Variants in DLGAP4 observed in about 807,000 individuals in gnomAD.
DLGAP4 encodes the protein DLG associated protein 4.
DLGAP4 carries 18 observed loss-of-function variants against 86.9 expected under a neutral mutation model. That is an observed-to-expected ratio of 0.21 (90% CI 0.14 to 0.31). The LOEUF (loss-of-function observed/expected upper bound fraction) is 0.31. Among genes scored for constraint, DLGAP4 ranks in the 10% least tolerant of loss-of-function variants. The pLI is 1.00. For synonymous variants in DLGAP4, 548 were observed against 574.3 expected, an observed-to-expected ratio of 0.95 and a Z score of 0.65; for missense variants, 1,085 against 1,362.6, an observed-to-expected ratio of 0.80 and a Z score of 3.21.
intron 12 of DLGAP4, among the ~76,000 whole-genome samples, chr20:36,526,555 G>T (rs2037778489): frequency 6.6e-6 from 1 of 152,048 alleles, no homozygotes; most frequent in Admixed American, 6.5e-5. Context: ...CAACATGAGG[G>T]TGGACAATGG....
intron 1 of DLGAP4, among the ~76,000 whole-genome samples, chr20:36,327,385 T>G (rs1179084873): frequency 6.6e-6 from 1 of 152,132 alleles, no homozygotes; most frequent in Non-Finnish European, 1.5e-5. Context: ...TGTCCTTGGG[T>G]TCATTTAGTT....
chr20:36,443,901 A>C (rs111917865), intron 6 of DLGAP4, among the ~76,000 whole-genome samples: 2 of 152,174 alleles, frequency 1.3e-5, no homozygotes, highest in Non-Finnish European at 2.9e-5. Context: ...CACAACCCTG[A>C]AATGGGGACT....
chr20:36,333,418 G>A (rs1350424467), intron 1 of DLGAP4, among the ~76,000 whole-genome samples: 1 of 152,090 alleles, frequency 6.6e-6, no homozygotes, highest in Non-Finnish European at 1.5e-5. Context: ...TCTGCCTGAT[G>A]CGCCTCTGTG....
chr20:36,440,242 C>T (rs1402915795), intron 5 of DLGAP4, among the ~76,000 whole-genome samples: 1 of 152,162 alleles, frequency 6.6e-6, no homozygotes, highest in African/African-American at 2.4e-5. Context: ...CTCCCTGAAC[C>T]TCGGTTTCCT....
intron 7 of DLGAP4, among the ~76,000 whole-genome samples, chr20:36,475,714 T>A (rs183156439): frequency 1.0e-3 from 157 of 152,336 alleles, no homozygotes; most frequent in Non-Finnish European, 1.9e-3. Context: ...AGAAAATTTT[T>A]AAAAATGCTT....
chr20:36,442,965 T>C (rs1260353546), intron 6 of DLGAP4, among the ~76,000 whole-genome samples, 188 bp downstream of exon 6: 1 of 152,208 alleles, frequency 6.6e-6, no homozygotes, highest in Non-Finnish European at 1.5e-5. Flanking sequence ...CCTACCCTTA[T>C]TGCTTCACCT....
At chr20:36,316,013 G>C (rs1229651477) in intron 1 of DLGAP4, among the ~76,000 whole-genome samples, 3 of 152,200 alleles carry the variant, frequency 2.0e-5, no homozygotes, top group African/African-American at 4.8e-5. Context: ...TAATGACAAG[G>C]CTGGTCCTGG....
Position 36,306,483 on chromosome 20 carries a change from G to A in DLGAP4, c.-333G>A, listed in dbSNP as rs2147323423. 6.6e-6 allele frequency: 1 copy of A among 150,836 alleles called. No homozygotes were observed. Among genetic ancestry groups the A allele is most frequent in the African/African-American group, 2.4e-5 (1 of 41,300 alleles). The allele number at this position is 150,836 out of a possible 1,614,324, so 9.3% of individuals were successfully genotyped here. On this transcript the variant is annotated 5_prime_UTR_variant, in exon 1 of 13. Coordinates refer to ENST00000339266, the MANE Select transcript of DLGAP4 (RefSeq NM_001365621.2). This position sits in a 1 kb window ranked among gnomAD's most constrained non-coding sequence, Gnocchi z 4.9. ...GGCGGCGCAGCGGAACGGCAGAGCG[G>A]GCCGGAGGCGGCCGAGGCGCCCGGC...
chr20:36,461,569 C>T (rs1334298213), intron 7 of DLGAP4: 2 of 964,750 alleles, frequency 2.1e-6, no homozygotes, highest in Non-Finnish European at 2.5e-6. Context: ...GTCCGGTCCA[C>T]GTCGTCGCTG....
chr20:36,516,665 C>G (rs1255776127), intron 10 of DLGAP4, among the ~76,000 whole-genome samples: 1 of 117,504 alleles, frequency 8.5e-6, no homozygotes, highest in East Asian at 2.6e-4. Flanking sequence ...GACTCCGTCT[C>G]AGGAAAAAAA....
At chr20:36,515,254 T>C (rs912824617) in intron 10 of DLGAP4, among the ~76,000 whole-genome samples, 1 of 152,264 alleles carries the variant, frequency 6.6e-6, no homozygotes, top group African/African-American at 2.4e-5. Context: ...AATTGTAATA[T>C]TCCTGGCAGA....
rs190990453 is a variant in DLGAP4 at position 36,383,806 on chromosome 20, T to C, written c.-73+16531T>C. ...CTGGCTAACACGGTGAAACGCCGTC[T>C]CTACTAAAAATACAAAAAATTAGCC... On this transcript the variant is annotated intron_variant, in intron 2 of 12. Transcript: ENST00000339266. Among the ~76,000 whole-genome samples the C allele has an allele frequency of 6.0e-3, 904 of 151,890 alleles. 9 individuals carry two copies. Among genetic ancestry groups the C allele is most frequent in the African/African-American group, 0.021 (856 of 41,426 alleles).
At chr20:36,451,710 C>T (rs2033740438) in intron 7 of DLGAP4, among the ~76,000 whole-genome samples, 1 of 151,668 alleles carries the variant, frequency 6.6e-6, no homozygotes, top group South Asian at 2.1e-4. Flanking sequence ...TGATCCTGTC[C>T]ACATACGGCA....
chr20:36,403,936 G>A (rs932069112), intron 2 of DLGAP4, among the ~76,000 whole-genome samples: 1 of 152,206 alleles, frequency 6.6e-6, no homozygotes, highest in Non-Finnish European at 1.5e-5. Context: ...CACAGTAGAT[G>A]TCTTCCCCCA....
chr20:36,456,135 C>T (rs556267657), intron 7 of DLGAP4, among the ~76,000 whole-genome samples: 1 of 152,298 alleles, frequency 6.6e-6, no homozygotes, highest in Admixed American at 6.5e-5. Context: ...ACCCACTTAT[C>T]CCAACATGCA....
chr20:36,439,007 T>TA (rs1350724998), intron 4 of DLGAP4, among the ~76,000 whole-genome samples: 1 of 152,102 alleles, frequency 6.6e-6, no homozygotes, highest in East Asian at 1.9e-4. Flanking sequence ...GAGTGACCAG[T>TA]AGGCATTAAG....
At chr20:36,334,376 G>C (rs2065300359) in intron 1 of DLGAP4, among the ~76,000 whole-genome samples, 1 of 152,152 alleles carries the variant, frequency 6.6e-6, no homozygotes, top group South Asian at 2.1e-4. Flanking sequence ...GAGAATCTAA[G>C]CTCACTCAGG....
At chr20:36,521,120 AT>A (rs1300926701) in intron 10 of DLGAP4, among the ~76,000 whole-genome samples, 2 of 151,898 alleles carry the variant, frequency 1.3e-5, no homozygotes, top group Non-Finnish European at 2.9e-5. Flanking sequence ...ACATCTGGCT[AT>A]TTTTTGTATT....
intron 7 of DLGAP4, among the ~76,000 whole-genome samples, chr20:36,470,539 T>C (rs74222536): frequency 0.019 from 2,862 of 148,026 alleles, 50 homozygotes; most frequent in East Asian, 0.065. Flanking sequence ...GAAAAAGCAA[T>C]ACATGTATGT....
Sources: allele counts gnomAD v4.1 joint callset (sites outside exome capture counted in the v4.1 genomes callset), GRCh38; gene constraint gnomAD v4.1.1; non-coding constraint Gnocchi (gnomAD v3.1); transcripts MANE v1.5; gene names NCBI Gene and HGNC (gene_info 2026-07-23, HGNC 2026-07-21).